Variants in CASZ1 observed in about 807,000 individuals in gnomAD.
CASZ1 encodes the protein castor zinc finger 1, also known as zinc finger protein castor homolog 1.
CASZ1 carries 28 observed loss-of-function variants against 135.2 expected under a neutral mutation model. The ratio of observed to expected loss-of-function variants is 0.21; its 90% CI spans 0.15 to 0.28. The LOEUF is 0.28. Ranked by LOEUF, CASZ1 falls within the 10% of genes least tolerant of loss-of-function variation. The pLI is 1.00. For missense variants in CASZ1, 2,161 were observed against 2,453.3 expected (o/e 0.88, Z 2.52); for synonymous variants, 1,068 against 1,073.4 (o/e 0.99, Z 0.10).
chr1:10,695,967 G>A (rs561640174), intron 3 of CASZ1, among the ~76,000 whole-genome samples: 1 of 152,204 alleles, frequency 6.6e-6, no homozygotes, highest in South Asian at 2.1e-4. Context: ...CTTTCAGGAG[G>A]GGCCACACTG....
At chr1:10,716,119 A>T (rs1442270776) in intron 2 of CASZ1, among the ~76,000 whole-genome samples, 3 of 86,666 alleles carry the variant, frequency 3.5e-5, no homozygotes, top group African/African-American at 4.6e-5. Context: ...CCCAATCCAC[A>T]CCCCACAGCA....
chr1:10,640,555 C>T (rs1458025312), intron 20 of CASZ1, among the ~76,000 whole-genome samples: 1 of 152,214 alleles, frequency 6.6e-6, no homozygotes, highest in Non-Finnish European at 1.5e-5. Flanking sequence ...GAGCTGCCTA[C>T]TCACAGTAGG....
In CASZ1 at chr1:10,639,388, G is replaced by A. The variant is rs774653511; in HGVS notation, c.4834C>T (p.Pro1612Ser). ...EPAAEGPAPGPPISLDGSLSL... is the reference protein window; with the variant it reads ...EPAAEGPAPGSPISLDGSLSL... ...AGGGAGCCGTCCAGACTGATGGGAG[G>A]CCCGGGCGCGGGGCCCTCTGCCGCG... The change falls in exon 21 of 21, where the codon CCT becomes TCT. Residue 1612 changes from proline (P) to serine (S), a missense_variant. Pro to Ser is a moderately conservative substitution (Grantham distance 74). Coordinates refer to ENST00000377022, the MANE Select transcript of CASZ1 (RefSeq NM_001079843.3). This position sits in a 1 kb window ranked among gnomAD's most constrained non-coding sequence, Gnocchi z 4.0. The A allele has an allele frequency of 1.5e-5, 23 of 1,543,992 alleles. No individual in the cohort carries two copies. The highest frequency in any genetic ancestry group is 2.0e-5 in the Admixed American group (1 of 50,688).
intron 2 of CASZ1, among the ~76,000 whole-genome samples, chr1:10,750,447 T>A (rs943473980): frequency 1.3e-5 from 2 of 152,110 alleles, no homozygotes; most frequent in African/African-American, 4.8e-5. Context: ...CACACCTGGC[T>A]AATTTTTATT....
chr1:10,690,556 G>A (rs1638731553), intron 4 of CASZ1, among the ~76,000 whole-genome samples: 1 of 152,204 alleles, frequency 6.6e-6, no homozygotes, highest in Non-Finnish European at 1.5e-5. Flanking sequence ...GGCAATGCAA[G>A]GGGGTCCTGG....
intron 2 of CASZ1, among the ~76,000 whole-genome samples, chr1:10,744,858 A>G (rs1046966203): frequency 6.6e-6 from 1 of 152,164 alleles, no homozygotes; most frequent in African/African-American, 2.4e-5. Flanking sequence ...TGACCTCACC[A>G]GAGCACACAG....
intron 2 of CASZ1, among the ~76,000 whole-genome samples, chr1:10,740,375 T>C (rs901809786): frequency 1.3e-5 from 2 of 152,150 alleles, no homozygotes; most frequent in African/African-American, 4.8e-5. Context: ...GGGCTTCAGC[T>C]CCACATCTGT....
chr1:10,763,064 C>T (rs1401508452), intron 1 of CASZ1, among the ~76,000 whole-genome samples: 1 of 152,228 alleles, frequency 6.6e-6, no homozygotes, highest in Non-Finnish European at 1.5e-5. Context: ...CCAAGCCTGC[C>T]AGGGCGTGGC....
chr1:10,786,513 G>C (rs556966746), intron 1 of CASZ1, among the ~76,000 whole-genome samples: 1 of 152,202 alleles, frequency 6.6e-6, no homozygotes. Context: ...TCCCTGATAA[G>C]CCGCAAGTGT....
intron 11 of CASZ1, chr1:10,652,979 G>A: frequency 7.0e-6 from 2 of 284,524 alleles, no homozygotes; most frequent in South Asian, 6.3e-5. Flanking sequence ...CGCAGGCCCT[G>A]CTCCAGGTCA....
chr1:10,658,001 T>C, intron 7 of CASZ1: 1 of 152,776 alleles, frequency 6.5e-6, no homozygotes, highest in Non-Finnish European at 1.5e-5. Context: ...TCTCTCTTTT[T>C]TTTTTTTTTT....
intron 20 of CASZ1, 140 bp downstream of exon 20, chr1:10,642,719 G>A (rs1642245636): frequency 3.3e-6 from 3 of 919,482 alleles, no homozygotes; most frequent in Non-Finnish European, 4.8e-6. Context: ...CAGTCCCACA[G>A]ACCAGCTGGC....
chr1:10,640,961 C>T (rs1642184028), intron 20 of CASZ1, among the ~76,000 whole-genome samples: 1 of 152,220 alleles, frequency 6.6e-6, no homozygotes, highest in Non-Finnish European at 1.5e-5. Context: ...CTAGTCCTGG[C>T]TCCCCACGCC....
At chr1:10,751,421 G>A (rs2100556142) in intron 2 of CASZ1, among the ~76,000 whole-genome samples, 1 of 152,276 alleles carries the variant, frequency 6.6e-6, no homozygotes, top group Admixed American at 6.5e-5. Flanking sequence ...GATCTTTAGG[G>A]TGAGGCATAT....
chr1:10,653,341 G>A (rs759441544), intron 11 of CASZ1, 36 bp downstream of exon 11: 1 of 1,609,396 alleles, frequency 6.2e-7, no homozygotes, highest in South Asian at 1.1e-5. Context: ...CAGTCCAGAA[G>A]GTGCCTGCTT....
intron 2 of CASZ1, among the ~76,000 whole-genome samples, chr1:10,754,610 G>C (rs947566605): frequency 1.3e-5 from 2 of 152,204 alleles, no homozygotes; most frequent in Non-Finnish European, 2.9e-5. Context: ...ATTTTCACTA[G>C]GATGCATTTC....
chr1:10,661,978 G>T (rs892949430), intron 5 of CASZ1, among the ~76,000 whole-genome samples: 3 of 133,054 alleles, frequency 2.3e-5, no homozygotes, highest in African/African-American at 8.6e-5. Context: ...CATAAACCCA[G>T]TTAATTACAT....
chr1:10,712,975 A>G (rs1173848903), intron 2 of CASZ1, among the ~76,000 whole-genome samples: 2 of 152,230 alleles, frequency 1.3e-5, no homozygotes, highest in Admixed American at 1.3e-4. Context: ...CTCGAAGGGA[A>G]AGCCTGGAAT....
At chr1:10,648,386 C>T (rs980818035) in intron 15 of CASZ1, 4 of 439,124 alleles carry the variant, frequency 9.1e-6, no homozygotes, top group Admixed American at 3.9e-5. Context: ...TGCCCTTCCT[C>T]GGTCCCCAGC....
Sources: allele counts gnomAD v4.1 joint callset (sites outside exome capture counted in the v4.1 genomes callset), GRCh38; gene constraint gnomAD v4.1.1; non-coding constraint Gnocchi (gnomAD v3.1); transcripts MANE v1.5; gene names NCBI Gene and HGNC (gene_info 2026-07-23, HGNC 2026-07-21).